The following ATP2B2 variants were observed in gnomAD, a reference collection of about 807,000 sequenced individuals.
ATP2B2 encodes the protein ATPase plasma membrane Ca2+ transporting 2, also known as plasma membrane calcium-transporting ATPase 2.
Under a neutral mutation model 120.0 loss-of-function variants are expected in ATP2B2, and 15 were observed. The ratio of observed to expected loss-of-function variants is 0.12; its 90% CI spans 0.08 to 0.19. The LOEUF is 0.19. Among genes scored for constraint, ATP2B2 ranks in the 10% least tolerant of loss-of-function variants. The pLI is 1.00. For missense variants in ATP2B2, 1,045 were observed against 1,719.8 expected (o/e 0.61, Z 6.94); for synonymous variants, 694 against 700.3 (o/e 0.99, Z 0.14).
rs539597260 is a variant in ATP2B2 at position 10,510,901 on chromosome 3, C to G, written c.-320+23138G>C. Among the ~76,000 whole-genome samples the G allele has an allele frequency of 7.9e-5, 12 of 152,304 alleles. No individual in the cohort carries two copies. In the South Asian group the frequency reaches 1.7e-3, roughly 21 times the overall value. On this transcript the variant is annotated intron_variant, in intron 3 of 21. Coordinates refer to the ATP2B2 transcript ENST00000646379. ...ATCCTGACTCCTAACTGTCCTCCCC[C>G]CTCCTCCCCTGCCATCCCCTGGCCA...
chr3:10,354,019 G>T (rs536926712), intron 14 of ATP2B2, among the ~76,000 whole-genome samples: 2 of 152,298 alleles, frequency 1.3e-5, no homozygotes, highest in South Asian at 4.1e-4. Context: ...CGAGGCCCCA[G>T]CCACTCTGCA....
At chr3:10,520,740 G>A (rs1460299253) in intron 3 of ATP2B2, among the ~76,000 whole-genome samples, 3 of 148,226 alleles carry the variant, frequency 2.0e-5, no homozygotes, top group Non-Finnish European at 3.0e-5. Flanking sequence ...ACAGGCGTGA[G>A]CCACCACACC....
intron 1 of ATP2B2, among the ~76,000 whole-genome samples, chr3:10,701,868 GCATA>G (rs2071824515): frequency 6.6e-6 from 1 of 151,982 alleles, no homozygotes; most frequent in Non-Finnish European, 1.5e-5. Context: ...CTACGTCTGA[GCATA>G]CAAATTTTTT....
At chr3:10,546,406 G>A (rs2067548154) in intron 2 of ATP2B2, among the ~76,000 whole-genome samples, 1 of 152,132 alleles carries the variant, frequency 6.6e-6, no homozygotes, top group Non-Finnish European at 1.5e-5. Context: ...TCCTTCCCTT[G>A]GGCCCACCCT....
intron 2 of ATP2B2, among the ~76,000 whole-genome samples, chr3:10,551,979 T>C (rs938407842): frequency 6.6e-6 from 1 of 152,268 alleles, no homozygotes; most frequent in Non-Finnish European, 1.5e-5. Flanking sequence ...ATAAGAAATG[T>C]AGCCATGCCT....
chr3:10,447,450 AG>A (rs111554661), intron 2 of ATP2B2, among the ~76,000 whole-genome samples: 1 of 152,088 alleles, frequency 6.6e-6, no homozygotes, highest in Non-Finnish European at 1.5e-5. Flanking sequence ...CCCTGCTTTG[AG>A]GGGGTCTAGA....
intron 2 of ATP2B2, among the ~76,000 whole-genome samples, chr3:10,545,206 T>C (rs1387621726): frequency 6.6e-6 from 1 of 152,186 alleles, no homozygotes; most frequent in Non-Finnish European, 1.5e-5. Flanking sequence ...CTAAATAATA[T>C]GCGTTGTAAG....
At chr3:10,641,467 TA>T (rs1426010305) in intron 1 of ATP2B2, among the ~76,000 whole-genome samples, 1 of 152,226 alleles carries the variant, frequency 6.6e-6, no homozygotes. Context: ...TTCCAATTTT[TA>T]AAAAAGAAGC....
At chr3:10,573,144 CA>C (rs925429941) in intron 2 of ATP2B2, among the ~76,000 whole-genome samples, 1 of 126,612 alleles carries the variant, frequency 7.9e-6, no homozygotes, top group Non-Finnish European at 1.7e-5. Flanking sequence ...AAAATCAAGC[CA>C]AATACATTTT....
rs534290465 is a variant in ATP2B2, at chr3:10,343,048, G to A, written c.2704-83C>T. On this transcript the variant is annotated intron_variant, in intron 18 of 22. Transcript: ENST00000360273. The surrounding 1 kb of genome is among the most constrained non-coding windows in gnomAD (Gnocchi z 4.2). ...TGGGCGGGCTCATGGTGTAGTGTCC[G>A]CAGGCTCCTGCTGGAGGCTGGAGTC... The A allele has an allele frequency of 1.4e-5, 20 of 1,436,502 alleles. No individual in the cohort carries two copies. Among genetic ancestry groups the A allele is most frequent in the East Asian group, 6.9e-5 (3 of 43,684 alleles). 89.0% of individuals were successfully genotyped at this position (1,436,502 alleles called of 1,614,324 possible).
chr3:10,417,410 C>A (rs1268220399), intron 2 of ATP2B2, among the ~76,000 whole-genome samples: 1 of 152,180 alleles, frequency 6.6e-6, no homozygotes, highest in South Asian at 2.1e-4. Context: ...AATGGGTGAG[C>A]TGAGGATGGA....
chr3:10,548,062 G>A (rs2067589934), intron 2 of ATP2B2, among the ~76,000 whole-genome samples: 1 of 152,184 alleles, frequency 6.6e-6, no homozygotes, highest in African/African-American at 2.4e-5. Context: ...GCTCATGGCT[G>A]TGTCCCAGCA....
At chr3:10,668,871 A>G (rs1421351480) in intron 1 of ATP2B2, among the ~76,000 whole-genome samples, 1 of 152,182 alleles carries the variant, frequency 6.6e-6, no homozygotes, top group Non-Finnish European at 1.5e-5. Context: ...TACAGTAGGC[A>G]GCACACAGTA....
chr3:10,680,335 G>A (rs1377098863), intron 1 of ATP2B2, among the ~76,000 whole-genome samples: 1 of 151,940 alleles, frequency 6.6e-6, no homozygotes, highest in Admixed American at 6.5e-5. Flanking sequence ...GGAGGCCCAG[G>A]TGAGTGGTAG....
intron 2 of ATP2B2, among the ~76,000 whole-genome samples, chr3:10,430,867 A>G (rs1244224803): frequency 6.7e-6 from 1 of 149,980 alleles, no homozygotes; most frequent in Non-Finnish European, 1.5e-5. Flanking sequence ...TCTTTACTGG[A>G]CACTTGGTGG....
chr3:10,355,629 C>T (rs1312314371), intron 14 of ATP2B2, among the ~76,000 whole-genome samples: 1 of 152,174 alleles, frequency 6.6e-6, no homozygotes, highest in Non-Finnish European at 1.5e-5. Context: ...TCCAGGCCCC[C>T]CTTTCCCAGA....
At chr3:10,660,154 TA>T (rs1257473256) in intron 1 of ATP2B2, among the ~76,000 whole-genome samples, 1 of 152,140 alleles carries the variant, frequency 6.6e-6, no homozygotes, top group Middle Eastern at 3.2e-3. Context: ...GGGAAAGATC[TA>T]AAATCAACAC....
At chr3:10,466,058 G>A (rs1433746356) in intron 1 of ATP2B2, among the ~76,000 whole-genome samples, 4 of 152,218 alleles carry the variant, frequency 2.6e-5, no homozygotes, top group Non-Finnish European at 4.4e-5. Context: ...ACATCCCTGT[G>A]ATGCCTAAGC....
intron 1 of ATP2B2, among the ~76,000 whole-genome samples, chr3:10,706,789 G>C (rs76296202): frequency 2.0e-5 from 3 of 152,154 alleles, no homozygotes; most frequent in Non-Finnish European, 4.4e-5. Flanking sequence ...GAGGGGAAGC[G>C]ACTTGCCAGA....
Sources: gnomAD v4.1 joint callset for allele counts (sites outside exome capture counted in the v4.1 genomes callset) on GRCh38, gnomAD v4.1.1 for gene constraint, Gnocchi (gnomAD v3.1) non-coding constraint, MANE v1.5 for transcripts, NCBI Gene and HGNC (gene_info 2026-07-23, HGNC 2026-07-21) for gene names.